CTNND2: variants seen among roughly 807,000 people sequenced by gnomAD.
CTNND2 encodes the protein catenin delta-2.
CTNND2 carries 22 observed loss-of-function variants against 144.4 expected under a neutral mutation model. The observed-to-expected ratio is 0.15, with a 90% CI of 0.11 to 0.22. The LOEUF (loss-of-function observed/expected upper bound fraction) is 0.22. Among genes scored for constraint, CTNND2 ranks in the 10% least tolerant of loss-of-function variants. The probability of loss-of-function intolerance (pLI) is 1.00; values close to 1 mark genes in which losing one functional copy is unlikely to be tolerated. For missense variants in CTNND2, 1,353 were observed against 1,618.8 expected (o/e 0.84, Z 2.82); for synonymous variants, 751 against 695.6 (o/e 1.08, Z -1.25).
intron 16 of CTNND2, among the ~76,000 whole-genome samples, chr5:11,064,336 A>G (rs1229090721): frequency 6.6e-6 from 1 of 152,188 alleles, no homozygotes; most frequent in Non-Finnish European, 1.5e-5. Flanking sequence ...GGCAGAGACT[A>G]GCATCTAGTC....
intron 11 of CTNND2, among the ~76,000 whole-genome samples, chr5:11,195,063 G>C (rs912503680): frequency 3.9e-5 from 6 of 152,168 alleles, no homozygotes; most frequent in Non-Finnish European, 7.3e-5. Flanking sequence ...TTCAGAAAGA[G>C]AGGACAGAGG....
chr5:11,636,026 C>A (rs1006181830), intron 2 of CTNND2, among the ~76,000 whole-genome samples: 1 of 97,636 alleles, frequency 1.0e-5, no homozygotes, highest in Non-Finnish European at 2.1e-5. Flanking sequence ...ATGGTTTAAT[C>A]CCCCCCCACC....
At chr5:11,077,302 T>G (rs1202208010) in intron 16 of CTNND2, among the ~76,000 whole-genome samples, 1 of 152,088 alleles carries the variant, frequency 6.6e-6, no homozygotes, top group Non-Finnish European at 1.5e-5. Context: ...AGAAGGTAAT[T>G]GGGGCTGTGG....
At chr5:11,667,559 A>G (rs1057319706) in intron 2 of CTNND2, among the ~76,000 whole-genome samples, 9 of 152,204 alleles carry the variant, frequency 5.9e-5, no homozygotes, top group African/African-American at 2.2e-4. Flanking sequence ...CTGCATAAAA[A>G]TCTTCTTTTG....
At chr5:11,414,352 A>C (rs1430903477) in intron 3 of CTNND2, among the ~76,000 whole-genome samples, 3 of 152,168 alleles carry the variant, frequency 2.0e-5, no homozygotes, top group Admixed American at 6.6e-5. Context: ...AACAGATACA[A>C]CAAAAAAGTT....
Position 11,561,074 on chromosome 5 carries a change from T to C in CTNND2, c.287+3870A>G, listed in dbSNP as rs939229578. On this transcript the variant is annotated intron_variant, in intron 3 of 21. Coordinates refer to ENST00000304623, the MANE Select transcript of CTNND2 (RefSeq NM_001332.4). ...CATTAAGCTGCCGGATAACACCTCA[T>C]TGACAGGCCTACAGCCTCAGGAATG... 3.3e-5 allele frequency among the ~76,000 whole-genome samples: 5 copies of C among 152,296 alleles called. No homozygotes were observed. In the East Asian group the frequency reaches 5.8e-4, roughly 18 times the overall value.
chr5:11,122,622 G>A (rs773843080), intron 12 of CTNND2, among the ~76,000 whole-genome samples: 4 of 152,066 alleles, frequency 2.6e-5, no homozygotes, highest in Non-Finnish European at 5.9e-5. Context: ...CTGGGCAGGC[G>A]CTCCCTGAGC....
chr5:11,368,542 C>T (rs186454808), intron 7 of CTNND2, among the ~76,000 whole-genome samples: 48 of 152,304 alleles, frequency 3.2e-4, no homozygotes, highest in African/African-American at 1.1e-3. Flanking sequence ...TCTATGTTGA[C>T]ACGTTTAATC....
At position 11,903,477 on chromosome 5, in the gene CTNND2, G is replaced by C. The variant is rs926704978; in HGVS notation, c.37+340C>G. On this transcript the variant is annotated intron_variant, in intron 1 of 21. Coordinates refer to ENST00000304623, the MANE Select transcript of CTNND2 (RefSeq NM_001332.4). This position sits in a 1 kb window ranked among gnomAD's most constrained non-coding sequence, Gnocchi z 5.4. ...ATATTAGGGACGTCATGAATGCACC[G>C]AGTATGTTCTCAGGGTGGCGGGGAG... 3 of 643,608 alleles carry C rather than the reference G, an allele frequency of 4.7e-6. No homozygotes were observed. The highest frequency in any genetic ancestry group is 1.1e-4 in the East Asian group (1 of 9,124). The allele number at this position is 643,608 out of a possible 1,614,324, so 39.9% of individuals were successfully genotyped here.
At chr5:11,342,175 C>T (rs1285885025) in intron 9 of CTNND2, among the ~76,000 whole-genome samples, 1 of 151,942 alleles carries the variant, frequency 6.6e-6, no homozygotes, top group African/African-American at 2.4e-5. Flanking sequence ...CAAGGTTTAC[C>T]TAGTAGTAAA....
intron 1 of CTNND2, among the ~76,000 whole-genome samples, chr5:11,766,885 G>A (rs971222104): frequency 7.9e-5 from 12 of 152,020 alleles, no homozygotes; most frequent in South Asian, 2.1e-4. Flanking sequence ...AAATGTTCAC[G>A]GTAATAAACA....
chr5:11,213,023 A>C (rs1417396935), intron 10 of CTNND2, among the ~76,000 whole-genome samples: 1 of 152,246 alleles, frequency 6.6e-6, no homozygotes, highest in African/African-American at 2.4e-5. Context: ...TCCATCATGT[A>C]AAAGTGTATC....
chr5:11,160,275 C>T (rs1425900660), intron 11 of CTNND2, among the ~76,000 whole-genome samples: 1 of 152,172 alleles, frequency 6.6e-6, no homozygotes, highest in Non-Finnish European at 1.5e-5. Flanking sequence ...GCTCAACAAG[C>T]AATTTAAACT....
chr5:11,470,010 AAT>A (rs1767025180), intron 3 of CTNND2, among the ~76,000 whole-genome samples: 1 of 152,172 alleles, frequency 6.6e-6, no homozygotes, highest in East Asian at 1.9e-4. Context: ...AGAGGCTCCA[AAT>A]ATAATTGAAA....
At chr5:11,253,286 C>T (rs1417389428) in intron 9 of CTNND2, among the ~76,000 whole-genome samples, 2 of 152,104 alleles carry the variant, frequency 1.3e-5, no homozygotes, top group East Asian at 3.8e-4. Context: ...TGTGAGTTAC[C>T]TGTGATTTAT....
intron 2 of CTNND2, among the ~76,000 whole-genome samples, chr5:11,705,733 T>A (rs990831948): frequency 2.6e-5 from 4 of 152,234 alleles, no homozygotes; most frequent in Non-Finnish European, 4.4e-5. Flanking sequence ...ATCCCTTTTA[T>A]CTTTCCCTTG....
At chr5:11,876,074 A>T (rs931199296) in intron 1 of CTNND2, among the ~76,000 whole-genome samples, 1 of 152,230 alleles carries the variant, frequency 6.6e-6, no homozygotes, top group African/African-American at 2.4e-5. Context: ...CATTTATAAG[A>T]TCTTCAACCT....
intron 21 of CTNND2, among the ~76,000 whole-genome samples, chr5:10,975,588 C>T (rs1025475589): frequency 9.9e-5 from 15 of 152,178 alleles, no homozygotes; most frequent in Admixed American, 5.9e-4. Context: ...CTGGAACATA[C>T]GGCTGGCTGA....
intron 9 of CTNND2, among the ~76,000 whole-genome samples, chr5:11,311,210 A>G (rs1453622280): frequency 6.9e-6 from 1 of 144,502 alleles, no homozygotes; most frequent in East Asian, 2.2e-4. Flanking sequence ...CTCACCCCAC[A>G]TGCCCTCACA....
Sources: allele counts gnomAD v4.1 joint callset (sites outside exome capture counted in the v4.1 genomes callset), GRCh38; gene constraint gnomAD v4.1.1; non-coding constraint Gnocchi (gnomAD v3.1); transcripts MANE v1.5; gene names NCBI Gene and HGNC (gene_info 2026-07-23, HGNC 2026-07-21).